The following TP53BP2 variants were observed in gnomAD, a reference collection of about 807,000 sequenced individuals.
The protein encoded by TP53BP2 is apoptosis-stimulating of p53 protein 2.
Under a neutral mutation model 126.2 loss-of-function variants are expected in TP53BP2, and 62 were observed. That is an observed-to-expected ratio of 0.49 (90% CI 0.40 to 0.61). The LOEUF is 0.61. Among genes scored for constraint, TP53BP2 ranks in the 20% least tolerant of loss-of-function variants. The pLI is 0.00. For synonymous variants in TP53BP2, 485 were observed against 502.9 expected, an observed-to-expected ratio of 0.96 and a Z score of 0.48; for missense variants, 1,215 against 1,402.8, an observed-to-expected ratio of 0.87 and a Z score of 2.14.
intron 4 of TP53BP2, among the ~76,000 whole-genome samples, chr1:223,808,728 TAAAA>T (rs78883797): frequency 7.7e-6 from 1 of 130,572 alleles, no homozygotes. Flanking sequence ...TATGCTCCAT[TAAAA>T]AAAAAAAAAA....
rs145312214 is a variant in TP53BP2 at position 223,826,718 on chromosome 1, G to GTT, written c.28-5353_28-5352dup. The stretch of plus-strand genomic sequence containing the variant: ...ATATCTCAATTTTCAAAAGTAAGAG[G>GTT]TTACTGGAGGATTTTGAACGGGGTA... On this transcript the variant is annotated intron_variant, in intron 1 of 17. Transcript: ENST00000343537. Among the ~76,000 whole-genome samples, 697 of 152,198 alleles carry GTT rather than the reference G, an allele frequency of 4.6e-3. 29 individuals carry two copies. The East Asian group carries it at 0.1, about 23-fold the overall frequency.
intron 1 of TP53BP2, among the ~76,000 whole-genome samples, chr1:223,835,830 G>A (rs1026829745): frequency 2.0e-5 from 3 of 152,094 alleles, no homozygotes; most frequent in Non-Finnish European, 4.4e-5. Flanking sequence ...AAGAAGCACT[G>A]CAAACCACGA....
At position 223,789,023 on chromosome 1, in the gene TP53BP2, A is replaced by G. The variant is rs775039642; in HGVS notation, c.3148T>C (p.Ser1050Pro). 1.9e-6 allele frequency: 3 copies of G among 1,614,058 alleles called. No homozygotes were observed. Among genetic ancestry groups the G allele is most frequent in the Non-Finnish European group, 2.5e-6 (3 of 1,179,948 alleles). The change falls in exon 16 of 18, where the codon TCC becomes CCC. Residue 1050 changes from serine to proline, a missense_variant. Transcript: ENST00000343537. ...EEMEEGYTQC[S>P]QFLYGVQEKM... ...TGTCACATACCATAAAGAAATTGGG[A>G]GCACTGAGTGTAGCCTTCCTCCATT...
In TP53BP2 at chr1:223,795,991, G is replaced by T. The variant is rs1571844640; in HGVS notation, c.2548C>A (p.Leu850Ile). Residue 850 changes from leucine (L) to isoleucine (I), a missense_variant, in exon 13 of 18, where the codon CTC becomes ATC. By Grantham distance (5) the Leu-to-Ile change is conservative. Coordinates refer to ENST00000343537, the MANE Select transcript of TP53BP2 (RefSeq NM_001031685.3). ...TTTGGTTCTTCTGGGTTATTCTGGAGATTTGGGCTGTTGTCTGGGACTCCC... is the reference window on the plus strand; with the variant it reads ...TTTGGTTCTTCTGGGTTATTCTGGATATTTGGGCTGTTGTCTGGGACTCCC... The part of the protein sequence containing the change: ...PEGVPDNSPN[L>I]QNNPEEPNPE... 2 of 1,614,110 alleles carry T rather than the reference G, an allele frequency of 1.2e-6. No homozygotes were observed. Among genetic ancestry groups the T allele is most frequent in the East Asian group, 2.2e-5 (1 of 44,886 alleles).
chr1:223,795,898 G>GGTAT lies in TP53BP2; in HGVS notation c.2637_2640dup (p.Pro881IlefsTer7). ...CCGGGCCCTTCAGGCTCCCCAGATGGGTATGGTGGGGGTGGGTATGGAGGG... is the reference window on the plus strand; with the variant it reads ...CCGGGCCCTTCAGGCTCCCCAGATGGGTATGTATGGTGGGGGTGGGTATGGAGGG... On this transcript the variant is annotated frameshift_variant, in exon 13 of 18. Transcript: ENST00000343537. LOFTEE classifies it high-confidence loss of function. 1.2e-6 allele frequency: 2 copies of GGTAT among 1,612,736 alleles called. No homozygotes were observed. Among genetic ancestry groups the GGTAT allele is most frequent in the Non-Finnish European group, 1.7e-6 (2 of 1,179,416 alleles).
chr1:223,788,234 C>T (rs1028761206), intron 16 of TP53BP2, among the ~76,000 whole-genome samples: 3 of 152,102 alleles, frequency 2.0e-5, no homozygotes, highest in Non-Finnish European at 2.9e-5. Flanking sequence ...AGGGCAGAGG[C>T]GTCTGTTTTA....
intron 1 of TP53BP2, among the ~76,000 whole-genome samples, chr1:223,822,821 C>G (rs1369491048): frequency 1.3e-5 from 2 of 151,398 alleles, no homozygotes; most frequent in Admixed American, 1.3e-4. Context: ...GCTGAAGAAA[C>G]GAAGTGAAAC....
intron 1 of TP53BP2, among the ~76,000 whole-genome samples, chr1:223,839,157 C>T (rs1664021670): frequency 6.6e-6 from 1 of 152,124 alleles, no homozygotes; most frequent in African/African-American, 2.4e-5. Flanking sequence ...TATTCTAACC[C>T]AAGCATTTGC....
chr1:223,780,517 G>C lies in TP53BP2; in HGVS notation c.*336C>G. On this transcript the variant is annotated 3_prime_UTR_variant, in exon 18 of 18. Transcript: ENST00000343537. ...TGCTGAAAACACTCAACAGGACAGAGAGCTGATTTCCCAACTGCCCAATAA... is the reference window on the plus strand; with the variant it reads ...TGCTGAAAACACTCAACAGGACAGACAGCTGATTTCCCAACTGCCCAATAA... 4.4e-6 allele frequency: 1 copy of C among 229,254 alleles called. No individual in the cohort carries two copies. Among genetic ancestry groups the C allele is most frequent in the African/African-American group, 2.3e-5 (1 of 43,790 alleles). 14.2% of individuals were successfully genotyped at this position (229,254 alleles called of 1,614,324 possible).
chr1:223,838,916 A>AAC (rs146157386), intron 1 of TP53BP2, among the ~76,000 whole-genome samples: 2,733 of 152,208 alleles, frequency 0.018, 91 homozygotes, highest in African/African-American at 0.062. Flanking sequence ...AGGGGGAGGT[A>AAC]ACCACCTCCA....
At chr1:223,842,663 G>A (rs934358306) in intron 1 of TP53BP2, among the ~76,000 whole-genome samples, 2 of 152,222 alleles carry the variant, frequency 1.3e-5, no homozygotes, top group African/African-American at 2.4e-5. Flanking sequence ...TTTAGAGTTA[G>A]CCAAGCTCTT....
chr1:223,843,218 G>T (rs1664160496), intron 1 of TP53BP2, among the ~76,000 whole-genome samples: 1 of 151,594 alleles, frequency 6.6e-6, no homozygotes, highest in African/African-American at 2.4e-5. Context: ...TTAGTTACCA[G>T]GCTGGAGTAC....
At position 223,789,085 on chromosome 1, in the gene TP53BP2, T is replaced by C. The variant is rs1291516633; in HGVS notation, c.3086A>G (p.Tyr1029Cys). 1.2e-6 allele frequency: 2 copies of C among 1,614,070 alleles called. No homozygotes were observed. Among genetic ancestry groups the C allele is most frequent in the African/African-American group, 2.7e-5 (2 of 74,920 alleles). Reference protein sequence around the residue: ...ESGAAVFAMTYSDMQTAADKC... With the variant: ...ESGAAVFAMTCSDMQTAADKC... ...ATCTGCAGCAGTCTGCATGTCACTG[T>C]AGGTCATGGCAAACACAGCGGCTCC... The change falls in exon 16 of 18, where the codon TAC (tyrosine) becomes TGC (cysteine). Residue 1029 changes from tyrosine (Y) to cysteine (C), a missense_variant. Transcript: ENST00000343537.
rs1661743938 is a variant in TP53BP2, at chr1:223,780,793, C to T, written c.*60G>A. ...TTGTGAAATTTTTGCCAAAAATAATCGTATTACTTCTTCTTAACAGAGATT... is the reference window on the plus strand; with the variant it reads ...TTGTGAAATTTTTGCCAAAAATAATTGTATTACTTCTTCTTAACAGAGATT... On this transcript the variant is annotated 3_prime_UTR_variant, in exon 18 of 18. Coordinates refer to ENST00000343537, the MANE Select transcript of TP53BP2 (RefSeq NM_001031685.3). 3 of 1,556,164 alleles carry T rather than the reference C, an allele frequency of 1.9e-6. No homozygotes were observed. Among genetic ancestry groups the T allele is most frequent in the Non-Finnish European group, 2.6e-6 (3 of 1,144,820 alleles).
At chr1:223,785,942 C>T (rs951011789) in intron 16 of TP53BP2, among the ~76,000 whole-genome samples, 4 of 151,790 alleles carry the variant, frequency 2.6e-5, no homozygotes, top group Non-Finnish European at 5.9e-5. Flanking sequence ...TGTAGATAAA[C>T]ACCAGAAGAC....
intron 12 of TP53BP2, among the ~76,000 whole-genome samples, chr1:223,797,938 G>C (rs976378742): frequency 2.6e-5 from 4 of 152,012 alleles, no homozygotes; most frequent in Non-Finnish European, 5.9e-5. Context: ...CCTTCCTTCT[G>C]CACTGTAATG....
intron 3 of TP53BP2, among the ~76,000 whole-genome samples, chr1:223,811,925 CTATT>C (rs1395542735): frequency 4.6e-5 from 7 of 151,774 alleles, no homozygotes; most frequent in Admixed American, 2.0e-4. Context: ...TATTGAGAGA[CTATT>C]TAATAATTTA....
intron 16 of TP53BP2, among the ~76,000 whole-genome samples, chr1:223,787,814 G>C (rs1339442724): frequency 6.6e-6 from 1 of 151,318 alleles, no homozygotes; most frequent in African/African-American, 2.4e-5. Flanking sequence ...GGCAGTCAAG[G>C]CTGCAGTGAG....
Position 223,803,322 on chromosome 1 carries a change from A to G in TP53BP2, c.780T>C (p.His260=), listed in dbSNP as rs779721511. Residue 260 remains histidine (H), a synonymous_variant, in exon 7 of 18, where the codon CAT becomes CAC. Transcript: ENST00000343537. ...MLKNGRIDSH[H]DNQSAVAELD... The stretch of plus-strand genomic sequence containing the variant: ...GCTCAGCCACTGCAGACTGATTGTC[A>G]TGGTGGCTGTCGATCCTGCCGTTCT... 17 of 1,613,630 alleles carry G rather than the reference A, an allele frequency of 1.1e-5. No homozygotes were observed. The highest frequency in any genetic ancestry group is 2.2e-5 in the South Asian group (2 of 91,054).
Sources: gnomAD v4.1 joint callset for allele counts (sites outside exome capture counted in the v4.1 genomes callset) on GRCh38, gnomAD v4.1.1 for gene constraint, MANE v1.5 for transcripts, NCBI Gene and HGNC (gene_info 2026-07-23, HGNC 2026-07-21) for gene names.